MIA2: variants seen among roughly 807,000 people sequenced by gnomAD.
MIA2 encodes the protein melanoma inhibitory activity protein 2.
MIA2 carries 127 observed loss-of-function variants against 167.8 expected under a neutral mutation model. The observed-to-expected ratio is 0.76, with a 90% CI of 0.66 to 0.88. The LOEUF (loss-of-function observed/expected upper bound fraction) is 0.88, where lower values mean the gene tolerates loss of function less well. MIA2 is among the 40% of genes least tolerant of loss of function. The pLI is 0.00. For synonymous variants in MIA2, 552 were observed against 541.9 expected, an observed-to-expected ratio of 1.02 and a Z score of -0.26; for missense variants, 1,690 against 1,624.7, an observed-to-expected ratio of 1.04 and a Z score of -0.69.
intron 21 of MIA2, among the ~76,000 whole-genome samples, chr14:39,317,634 TA>T (rs1379331035): frequency 6.6e-6 from 1 of 152,168 alleles, no homozygotes; most frequent in Non-Finnish European, 1.5e-5. Flanking sequence ...GCACTGTACT[TA>T]AAGGCCTTTT....
chr14:39,289,566 A>G (rs1566755623), intron 9 of MIA2, among the ~76,000 whole-genome samples: 1 of 152,184 alleles, frequency 6.6e-6, no homozygotes, highest in Non-Finnish European at 1.5e-5. Context: ...TGCTGTAACA[A>G]ATTAGTGCAA....
rs139713105 is a variant in MIA2, at chr14:39,277,664, A to G, written c.2019+599A>G. On this transcript the variant is annotated intron_variant, in intron 7 of 28. Transcript: ENST00000640607. ...ATGCTCAACTGGAATCTTTTAATGT[A>G]AGATCTTTTATATATATATATATGT... Among the ~76,000 whole-genome samples the G allele has an allele frequency of 3.5e-3, 334 of 95,366 alleles. 6 individuals are homozygous for G. The highest frequency in any genetic ancestry group is 0.011 in the African/African-American group (293 of 26,216). The allele number at this position is 95,366 out of a possible 152,430, so 62.6% of individuals were successfully genotyped here. A position where few individuals can be genotyped will look rare whatever the true frequency, so the allele number is the denominator to read the frequency against.
intron 14 of MIA2, among the ~76,000 whole-genome samples, chr14:39,301,445 A>G (rs2062480522): frequency 6.6e-6 from 1 of 152,170 alleles, no homozygotes; most frequent in Non-Finnish European, 1.5e-5. Context: ...CAAGAATGAG[A>G]TGCTAACCTC....
At chr14:39,249,605 G>A (rs1455293641) in intron 4 of MIA2, among the ~76,000 whole-genome samples, 4 of 152,008 alleles carry the variant, frequency 2.6e-5, no homozygotes, top group Non-Finnish European at 4.4e-5. Flanking sequence ...GTTCAACAGT[G>A]GGCAACAGAA....
chr14:39,356,504 G>T (rs2074529345), intron 23 of MIA2, among the ~76,000 whole-genome samples: 1 of 152,090 alleles, frequency 6.6e-6, no homozygotes, highest in Non-Finnish European at 1.5e-5. Flanking sequence ...CAAAAAACTA[G>T]CTCCTGGATT....
intron 23 of MIA2, among the ~76,000 whole-genome samples, chr14:39,378,751 C>G (rs979175011): frequency 6.6e-6 from 1 of 152,154 alleles, no homozygotes; most frequent in African/African-American, 2.4e-5. Context: ...TTTGACAATA[C>G]TTCCTGTATG....
At chr14:39,368,887 A>G (rs1298494843) in intron 23 of MIA2, among the ~76,000 whole-genome samples, 1 of 151,750 alleles carries the variant, frequency 6.6e-6, no homozygotes, top group African/African-American at 2.4e-5. Flanking sequence ...CTTTTTGTAA[A>G]GATTTATTAT....
chr14:39,303,507 C>G lies in MIA2; in HGVS notation c.2770C>G (p.Leu924Val). Residue 924 changes from leucine (L) to valine (V), a missense_variant, in exon 16 of 29, where the codon CTG (leucine) becomes GTG (valine). Physicochemically the swap from Leu to Val is conservative, Grantham distance 32. Coordinates refer to ENST00000640607, the MANE Select transcript of MIA2 (RefSeq NM_001329214.4). ...DNPPKGALKKLIHAAKLNASL... is the reference protein window; with the variant it reads ...DNPPKGALKKVIHAAKLNASL... ...TCCTCCAAAAGGAGCTTTGAAGAAACTGATTCATGCTGCTAAGGTTTGTGC... is the reference window on the plus strand; with the variant it reads ...TCCTCCAAAAGGAGCTTTGAAGAAAGTGATTCATGCTGCTAAGGTTTGTGC... The G allele has an allele frequency of 1.2e-6, 2 of 1,610,478 alleles. No homozygotes were observed. The highest frequency in any genetic ancestry group is 1.7e-6 in the Non-Finnish European group (2 of 1,177,720).
intron 13 of MIA2, 65 bp downstream of exon 13, chr14:39,295,094 A>G: frequency 1.8e-6 from 2 of 1,102,782 alleles, no homozygotes; most frequent in Non-Finnish European, 2.8e-6. Context: ...TGTCATCCTC[A>G]TGACTGACCC....
Position 39,291,650 on chromosome 14 carries a change from T to C in MIA2, c.2208+554T>C, listed in dbSNP as rs114491245. Among the ~76,000 whole-genome samples the C allele has an allele frequency of 9.0e-3, 1,378 of 152,304 alleles. 22 individuals carry two copies. The highest frequency in any genetic ancestry group is 0.032 in the African/African-American group (1,313 of 41,562). On this transcript the variant is annotated intron_variant, in intron 10 of 28. Transcript: ENST00000640607. ...TATTTGTAGCATTTGCTGAGTTCTG[T>C]AGTATGAATACTTCCACCATGGCCA... is the stretch of plus-strand genomic sequence containing the variant.
rs548334437 is a variant in MIA2, at chr14:39,261,560, G to A, written c.1887+8389G>A. 1.8e-4 allele frequency among the ~76,000 whole-genome samples: 27 copies of A among 152,206 alleles called. 1 individual carries two copies. The South Asian group carries it at 4.6e-3, about 26-fold the overall frequency. ...TCTACTTCTAGATCCTTGAGGAATC[G>A]CCAGACTGTCTTCCACAATGGTTGT... is the stretch of plus-strand genomic sequence containing the variant. On this transcript the variant is annotated intron_variant, in intron 6 of 28. Transcript: ENST00000640607.
chr14:39,387,050 G>C (rs2075283975), exon 24 of MIA2: 1 of 687,882 alleles, frequency 1.5e-6, no homozygotes, highest in Non-Finnish European at 2.5e-6. Flanking sequence ...CCGGGTAGCT[G>C]GCGGCGGGTA....
rs756947804 is a variant in MIA2, at chr14:39,248,078, A to G, written c.1504A>G (p.Ile502Val). The change falls in exon 4 of 29, where the codon ATT (isoleucine) becomes GTT (valine). Residue 502 changes from isoleucine to valine, a missense_variant. Ile to Val is a conservative substitution (Grantham distance 29, BLOSUM62 3). Transcript: ENST00000640607. ...AAATGAAGAAACTGGAGAATTTTCC[A>G]TTGATAATTATCCCACAGATAATAC... is the stretch of plus-strand genomic sequence containing the variant. Reference protein sequence around the residue: ...IENEETGEFSIDNYPTDNTKV... With the variant: ...IENEETGEFSVDNYPTDNTKV... 7.0e-6 allele frequency: 11 copies of G among 1,564,994 alleles called. No homozygotes were observed. The highest frequency in any genetic ancestry group is 3.7e-5 in the South Asian group (3 of 80,572).
chr14:39,252,086 G>T (rs2054607764), intron 4 of MIA2, among the ~76,000 whole-genome samples: 1 of 151,942 alleles, frequency 6.6e-6, no homozygotes, highest in South Asian at 2.1e-4. Context: ...TTAGAGAATA[G>T]AATTATATAT....
intron 26 of MIA2, 157 bp from the exon 27 acceptor site, chr14:39,347,556 C>A: frequency 3.1e-6 from 2 of 651,838 alleles, no homozygotes; most frequent in Non-Finnish European, 5.3e-6. Flanking sequence ...TTCTAGGGAC[C>A]TCAAGCTGTT....
intron 18 of MIA2, among the ~76,000 whole-genome samples, chr14:39,309,055 A>G (rs2063791367): frequency 6.6e-6 from 1 of 152,144 alleles, no homozygotes; most frequent in South Asian, 2.1e-4. Flanking sequence ...TCTTGCTTTT[A>G]TATCTCCTAT....
intron 25 of MIA2, among the ~76,000 whole-genome samples, chr14:39,338,988 G>T (rs1238564776): frequency 6.6e-6 from 1 of 152,136 alleles, no homozygotes; most frequent in East Asian, 1.9e-4. Flanking sequence ...TTGGCATCAG[G>T]GACTGGTTTC....
At chr14:39,384,772 A>G (rs568204074) in intron 23 of MIA2, among the ~76,000 whole-genome samples, 1 of 152,268 alleles carries the variant, frequency 6.6e-6, no homozygotes, top group African/African-American at 2.4e-5. Flanking sequence ...CCAGACATAC[A>G]TACATGTGCA....
intron 13 of MIA2, among the ~76,000 whole-genome samples, chr14:39,297,616 C>T (rs1223214635): frequency 6.6e-6 from 1 of 151,436 alleles, no homozygotes; most frequent in Non-Finnish European, 1.5e-5. Flanking sequence ...GGATAGATGT[C>T]CCAGAGTCTC....
Sources: allele counts gnomAD v4.1 joint callset (sites outside exome capture counted in the v4.1 genomes callset), GRCh38; gene constraint gnomAD v4.1.1; transcripts MANE v1.5; gene names NCBI Gene and HGNC (gene_info 2026-07-23, HGNC 2026-07-21).